Variants in ATRNL1 observed in about 807,000 individuals in gnomAD.
ATRNL1 encodes attractin-like protein 1.
Under a neutral mutation model 182.7 loss-of-function variants are expected in ATRNL1, and 95 were observed. That is an observed-to-expected ratio of 0.52 (90% CI 0.44 to 0.62). The LOEUF (loss-of-function observed/expected upper bound fraction) is 0.62, where lower values mean the gene tolerates loss of function less well. Among genes scored for constraint, ATRNL1 ranks in the 20% least tolerant of loss-of-function variants. The pLI is 0.00. For missense variants in ATRNL1, 1,471 were observed against 1,679.5 expected, an observed-to-expected ratio of 0.88 and a Z score of 2.17; for synonymous variants, 576 against 568.3, an observed-to-expected ratio of 1.01 and a Z score of -0.19.
rs193292226 is a variant in ATRNL1, at chr10:115,165,877, A to G, written c.1092+232A>G. 1.1e-4 allele frequency among the ~76,000 whole-genome samples: 16 copies of G among 152,238 alleles called. No individual in the cohort carries two copies. In the East Asian group the frequency reaches 2.9e-3, roughly 28 times the overall value. ...ATGAAGATTGAGTTTTTGTCTATTT[A>G]TGCCTAGTCAATCACTTAAAAAAAT... On this transcript the variant is annotated intron_variant, in intron 7 of 28. Coordinates refer to ENST00000355044, the MANE Select transcript of ATRNL1 (RefSeq NM_207303.4).
chr10:115,724,550 T>C (rs1156569662), intron 26 of ATRNL1, among the ~76,000 whole-genome samples: 1 of 152,328 alleles, frequency 6.6e-6, no homozygotes, highest in East Asian at 1.9e-4. Flanking sequence ...AAAGATACTA[T>C]TGCTATTCCC....
intron 9 of ATRNL1, among the ~76,000 whole-genome samples, chr10:115,237,829 T>C (rs532649791): frequency 6.6e-6 from 1 of 152,314 alleles, no homozygotes; most frequent in African/African-American, 2.4e-5. Flanking sequence ...TCTCCTGCGT[T>C]ATCTTCTGGG....
chr10:115,214,300 T>C (rs1287363209), intron 8 of ATRNL1, among the ~76,000 whole-genome samples: 1 of 108,884 alleles, frequency 9.2e-6, no homozygotes, highest in South Asian at 2.8e-4. Flanking sequence ...ATGAAAATCT[T>C]TTAGTTCAAA....
chr10:115,570,545 T>A (rs1455824021), intron 26 of ATRNL1, among the ~76,000 whole-genome samples: 2 of 152,198 alleles, frequency 1.3e-5, no homozygotes, highest in Admixed American at 6.5e-5. Context: ...TACCCAGTTA[T>A]GGCTTCATTT....
At chr10:115,739,104 A>G (rs1238139391) in intron 27 of ATRNL1, among the ~76,000 whole-genome samples, 2 of 152,188 alleles carry the variant, frequency 1.3e-5, no homozygotes, top group African/African-American at 4.8e-5. Flanking sequence ...AAAGATGAAA[A>G]TGAACAACAG....
intron 26 of ATRNL1, among the ~76,000 whole-genome samples, chr10:115,716,871 C>A (rs1441409366): frequency 1.3e-5 from 2 of 152,122 alleles, no homozygotes; most frequent in Admixed American, 1.3e-4. Context: ...ACTTAAACCT[C>A]TAAGTTTAAG....
At chr10:115,270,873 C>G (rs1554912750) in intron 13 of ATRNL1, among the ~76,000 whole-genome samples, 28 of 152,102 alleles carry the variant, frequency 1.8e-4, no homozygotes, top group Non-Finnish European at 1.5e-5. Context: ...AAGTCTACCC[C>G]TTGTCAACTT....
chr10:115,871,479 G>GTATATATATATATATATATATATATATA (rs35917074), intron 28 of ATRNL1, among the ~76,000 whole-genome samples: 1 of 133,778 alleles, frequency 7.5e-6, no homozygotes, highest in African/African-American at 3.4e-5. Flanking sequence ...TTGTGTGTGT[G>GTATATATATATATATATATATATATATA]TATATATATA....
chr10:115,901,808 C>A (rs1589667654), intron 28 of ATRNL1, among the ~76,000 whole-genome samples: 1 of 147,280 alleles, frequency 6.8e-6, no homozygotes, highest in Non-Finnish European at 1.5e-5. Flanking sequence ...TAAAAAACAT[C>A]ATGTTTTGAA....
intron 26 of ATRNL1, among the ~76,000 whole-genome samples, chr10:115,587,128 C>G (rs1156267302): frequency 3.4e-5 from 5 of 148,694 alleles, no homozygotes; most frequent in Non-Finnish European, 7.5e-5. Context: ...TCTCCAGCTG[C>G]GTACTGGGAG....
At chr10:115,886,726 T>A (rs183338194) in intron 28 of ATRNL1, among the ~76,000 whole-genome samples, 25 of 152,208 alleles carry the variant, frequency 1.6e-4, no homozygotes, top group African/African-American at 5.3e-4. Context: ...TTAATTTAAG[T>A]CAACAGTGAG....
At chr10:115,918,659 A>G (rs1952953296) in intron 28 of ATRNL1, among the ~76,000 whole-genome samples, 1 of 152,248 alleles carries the variant, frequency 6.6e-6, no homozygotes, top group Non-Finnish European at 1.5e-5. Flanking sequence ...GAACCTCTTC[A>G]GTGGTAACTG....
intron 26 of ATRNL1, among the ~76,000 whole-genome samples, chr10:115,570,585 C>T (rs1555003170): frequency 1.3e-5 from 2 of 152,154 alleles, no homozygotes; most frequent in Non-Finnish European, 2.9e-5. Context: ...TTAGCTTGGT[C>T]ACCCCCCAGT....
chr10:115,761,651 G>A (rs1421378520), intron 27 of ATRNL1, among the ~76,000 whole-genome samples: 1 of 152,166 alleles, frequency 6.6e-6, no homozygotes, highest in Non-Finnish European at 1.5e-5. Flanking sequence ...GGTGGTGTTG[G>A]TGTTGGGTTT....
At chr10:115,476,962 T>C (rs1327658004) in intron 24 of ATRNL1, among the ~76,000 whole-genome samples, 1 of 151,512 alleles carries the variant, frequency 6.6e-6, no homozygotes, top group Non-Finnish European at 1.5e-5. Context: ...TTTTTTTGTA[T>C]TTTTAGTACT....
chr10:115,515,088 T>C (rs1435886276), intron 24 of ATRNL1, among the ~76,000 whole-genome samples: 2 of 151,852 alleles, frequency 1.3e-5, no homozygotes, highest in East Asian at 3.9e-4. Context: ...TAGTCTTGTA[T>C]TGAGCAACTC....
At chr10:115,363,184 T>G (rs1191794032) in intron 19 of ATRNL1, among the ~76,000 whole-genome samples, 2 of 150,632 alleles carry the variant, frequency 1.3e-5, no homozygotes, top group Non-Finnish European at 3.0e-5. Context: ...CAGCACCTGT[T>G]GTTTCCTGAC....
chr10:115,143,049 T>G (rs1210325969), intron 5 of ATRNL1, among the ~76,000 whole-genome samples: 1 of 152,154 alleles, frequency 6.6e-6, no homozygotes, highest in East Asian at 1.9e-4. Flanking sequence ...GAGAGAGATC[T>G]GTACTGTAGA....
At chr10:115,132,119 C>A (rs1417377357) in intron 5 of ATRNL1, among the ~76,000 whole-genome samples, 3 of 151,168 alleles carry the variant, frequency 2.0e-5, no homozygotes, top group Admixed American at 6.6e-5. Context: ...TGGGATGTTC[C>A]CCTTCCTGTG....
Sources: allele counts gnomAD v4.1 joint callset (sites outside exome capture counted in the v4.1 genomes callset), GRCh38; gene constraint gnomAD v4.1.1; transcripts MANE v1.5; gene names NCBI Gene and HGNC (gene_info 2026-07-23, HGNC 2026-07-21).